The following ASIP variants were observed in gnomAD, a reference collection of about 807,000 sequenced individuals.
The protein encoded by ASIP is agouti signaling protein, also known as agouti-signaling protein.
In ASIP, 11 loss-of-function variants were observed where a neutral mutation model predicts 10.3. That is an observed-to-expected ratio of 1.07 (90% CI 0.68 to 1.78). The LOEUF is 1.78. Among genes scored for constraint, ASIP ranks in the 40% most tolerant of loss-of-function variants. The pLI, the probability that ASIP is intolerant of heterozygous loss-of-function variation, is 0.00. For missense variants in ASIP, 180 were observed against 169.2 expected (o/e 1.06, Z -0.35); for synonymous variants, 70 against 70.8 (o/e 0.99, Z 0.06).
At chr20:34,201,316 TCTGA>T in intron 1 of ASIP, among the ~76,000 whole-genome samples, 1 of 152,236 alleles carries the variant, frequency 6.6e-6, no homozygotes, top group South Asian at 2.1e-4. Context: ...CAATATGGAT[TCTGA>T]CTGTGTTTGA....
chr20:34,191,106 T>G (rs2034822199), upstream of ASIP, among the ~76,000 whole-genome samples: 1 of 152,180 alleles, frequency 6.6e-6, no homozygotes, highest in African/African-American at 2.4e-5. Context: ...TAAAAGACTT[T>G]AAAGGAAAGT....
At chr20:34,225,954 C>G (rs111355570) in intron 1 of ASIP, among the ~76,000 whole-genome samples, 2 of 151,544 alleles carry the variant, frequency 1.3e-5, no homozygotes, top group Admixed American at 1.3e-4. Context: ...AGTGTAGTGG[C>G]GCAGTCTTGG....
At chr20:34,257,648 TATA>T (rs976574742) in intron 1 of ASIP, among the ~76,000 whole-genome samples, 19 of 152,314 alleles carry the variant, frequency 1.2e-4, no homozygotes, top group African/African-American at 1.7e-4. Flanking sequence ...GACAGCATGA[TATA>T]ATAATAAGTT....
At chr20:34,253,350 C>A (rs183184552) in intron 1 of ASIP, among the ~76,000 whole-genome samples, 1,955 of 152,038 alleles carry the variant, frequency 0.013, 37 homozygotes, top group African/African-American at 0.045. Flanking sequence ...TCATGATCCG[C>A]CTGCCTCAGC....
intron 1 of ASIP, among the ~76,000 whole-genome samples, chr20:34,205,412 C>T (rs947237486): frequency 3.3e-5 from 5 of 150,232 alleles, no homozygotes; most frequent in African/African-American, 5.0e-5. Flanking sequence ...TCATTCCTCC[C>T]GCTGGGCTCG....
At chr20:34,224,273 G>GGAAA (rs2035077751) in intron 1 of ASIP, among the ~76,000 whole-genome samples, 1 of 151,540 alleles carries the variant, frequency 6.6e-6, no homozygotes, top group Non-Finnish European at 1.5e-5. Flanking sequence ...AAATACTTAG[G>GGAAA]GAAAGATAAG....
chr20:34,254,144 C>A (rs896094744), intron 1 of ASIP, among the ~76,000 whole-genome samples: 3 of 151,938 alleles, frequency 2.0e-5, no homozygotes, highest in Non-Finnish European at 4.4e-5. Context: ...CTCACTGCAA[C>A]CTCTGCCTCC....
In ASIP at chr20:34,215,973, T is replaced by A; in HGVS notation, c.-11+21213T>A. 3 of 750,142 alleles carry A rather than the reference T, an allele frequency of 4.0e-6. No homozygotes were observed. The South Asian group carries it at 4.1e-5, about 10-fold the overall frequency. The allele number at this position is 750,142 out of a possible 1,614,324, so 46.5% of individuals were successfully genotyped here. On this transcript the variant is annotated intron_variant, in intron 1 of 3. Transcript: ENST00000568305. ...CAGAAGAATTTATAAACATCTTCCC[T>A]ATCACTCCAGCCCGCCTCCCAGCCT...
intron 1 of ASIP, 30 bp from the exon 2 acceptor site, chr20:34,260,335 C>G (rs746916686): frequency 6.3e-6 from 10 of 1,594,226 alleles, no homozygotes; most frequent in Non-Finnish European, 8.6e-6. Flanking sequence ...CCTGACCCAC[C>G]CACCTGACCA....
chr20:34,266,962 G>A (rs1601620578), intron 3 of ASIP, among the ~76,000 whole-genome samples: 1 of 152,218 alleles, frequency 6.6e-6, no homozygotes, highest in East Asian at 1.9e-4. Flanking sequence ...CCAAAGCAAG[G>A]AGCACTGGAT....
At chr20:34,253,441 ATTTTAT>A (rs1435542269) in intron 1 of ASIP, among the ~76,000 whole-genome samples, 2 of 111,982 alleles carry the variant, frequency 1.8e-5, no homozygotes, top group African/African-American at 8.0e-5. Flanking sequence ...TCTTATTTTT[ATTTTAT>A]TTTATTTATT....
intron 1 of ASIP, among the ~76,000 whole-genome samples, chr20:34,234,639 T>C (rs1303638301): frequency 6.6e-6 from 1 of 151,910 alleles, no homozygotes; most frequent in African/African-American, 2.4e-5. Flanking sequence ...CCATCTCTAC[T>C]AAAAATACAA....
intron 1 of ASIP, among the ~76,000 whole-genome samples, chr20:34,233,173 A>T: frequency 7.5e-6 from 1 of 133,756 alleles, no homozygotes; most frequent in South Asian, 2.4e-4. Context: ...TTTGATACAG[A>T]GTCTCGCTCT....
intron 1 of ASIP, among the ~76,000 whole-genome samples, chr20:34,197,548 G>A (rs1462184057): frequency 6.6e-6 from 1 of 152,134 alleles, no homozygotes; most frequent in African/African-American, 2.4e-5. Flanking sequence ...GCTACACCCC[G>A]TGTGCATCCA....
chr20:34,246,486 T>A, intron 1 of ASIP: 1 of 1,386,548 alleles, frequency 7.2e-7, no homozygotes, highest in Non-Finnish European at 1.0e-6. Context: ...AACTTGGCAC[T>A]GTTCCTTGGG....
chr20:34,205,475 A>G (rs543403461), intron 1 of ASIP, among the ~76,000 whole-genome samples: 2 of 151,584 alleles, frequency 1.3e-5, no homozygotes, highest in African/African-American at 2.4e-5. Context: ...TGAGTGTTAC[A>G]GCTTATAAAG....
At position 34,260,534 on chromosome 20, in the gene ASIP, G is replaced by C. The variant is rs2035672118; in HGVS notation, c.160G>C (p.Ala54Pro). The C allele has an allele frequency of 6.2e-7, 1 of 1,608,644 alleles. No homozygotes were observed. Among genetic ancestry groups the C allele is most frequent in the Non-Finnish European group, 8.5e-7 (1 of 1,176,282 alleles). Residue 54 changes from alanine to proline, a missense_variant and splice_region_variant, in exon 2 of 4, where the codon GCG becomes CCG. By Grantham distance (27) the Ala-to-Pro change is conservative. Transcript: ENST00000374954. ...LLDVPSVSIV[A>P]LNKKSKQIGR... is the part of the protein sequence containing the mutation. ...GGATGTCCCTTCTGTCTCTATTGTGGGTAAGTCACCTAGCCTCTGGGCTCT... is the reference window on the plus strand; with the variant it reads ...GGATGTCCCTTCTGTCTCTATTGTGCGTAAGTCACCTAGCCTCTGGGCTCT...
chr20:34,254,727 C>T (rs6120577), intron 1 of ASIP, among the ~76,000 whole-genome samples: 17,166 of 152,086 alleles, frequency 0.11, 3,298 homozygotes, highest in African/African-American at 0.39. Context: ...ATTTTTCTAA[C>T]GTTCACAAAG....
At chr20:34,260,647 G>T in intron 2 of ASIP, 113 bp downstream of exon 2, 1 of 1,230,152 alleles carries the variant, frequency 8.1e-7, no homozygotes, top group Non-Finnish European at 1.1e-6. Context: ...CTTCTTGCTC[G>T]TTCCAGGAAA....
Sources: gnomAD v4.1 joint callset for allele counts (sites outside exome capture counted in the v4.1 genomes callset) on GRCh38, gnomAD v4.1.1 for gene constraint, MANE v1.5 for transcripts, NCBI Gene and HGNC (gene_info 2026-07-23, HGNC 2026-07-21) for gene names.